RSPH14: variants seen among roughly 807,000 people sequenced by gnomAD.
RSPH14 encodes the protein rhabdoid tumor deletion region gene 1.
Under a neutral mutation model 26.7 loss-of-function variants are expected in RSPH14, and 20 were observed. The ratio of observed to expected loss-of-function variants is 0.75; its 90% confidence interval spans 0.53 to 1.09. The LOEUF (loss-of-function observed/expected upper bound fraction) is 1.09, where lower values mean the gene tolerates loss of function less well. Among genes scored for constraint, RSPH14 ranks in the 50% least tolerant of loss-of-function variants. The probability of loss-of-function intolerance (pLI) is 0.00; values close to 1 mark genes in which losing one functional copy is unlikely to be tolerated. For synonymous variants in RSPH14, 177 were observed against 189.3 expected (o/e 0.93, Z 0.53); for missense variants, 449 against 457.2 (o/e 0.98, Z 0.16).
chr22:23,109,900 C>G (rs748447308), intron 4 of RSPH14, among the ~76,000 whole-genome samples: 21 of 152,202 alleles, frequency 1.4e-4, no homozygotes, highest in Admixed American at 3.3e-4. Flanking sequence ...TGAGGCTGGC[C>G]GTCAGCACCA....
At chr22:23,164,566 T>C in the RSPH14 span, among the ~76,000 whole-genome samples, 1 of 152,162 alleles carries the variant, frequency 6.6e-6, no homozygotes, top group African/African-American at 2.4e-5. Context: ...TGAAGACATT[T>C]CCTTCTTTCC....
chr22:23,146,101 G>T, upstream of RSPH14: 1 of 832,534 alleles, frequency 1.2e-6, no homozygotes, highest in South Asian at 5.5e-5. Context: ...TGACTCCCAG[G>T]CAGGGTGGGG....
At chr22:23,120,738 C>T (rs1387649619) in intron 4 of RSPH14, among the ~76,000 whole-genome samples, 1 of 152,054 alleles carries the variant, frequency 6.6e-6, no homozygotes, top group Non-Finnish European at 1.5e-5. Flanking sequence ...AGGAAGCCCC[C>T]TACCCCAAAA....
chr22:23,072,708 G>C (rs908953499), intron 4 of RSPH14, among the ~76,000 whole-genome samples: 2 of 152,224 alleles, frequency 1.3e-5, no homozygotes, highest in Non-Finnish European at 1.5e-5. Flanking sequence ...TGTGCCTGTC[G>C]CCTGGACTGT....
intron 3 of RSPH14, among the ~76,000 whole-genome samples, chr22:23,135,202 G>A (rs188450250): frequency 1.3e-5 from 2 of 151,888 alleles, no homozygotes; most frequent in African/African-American, 2.4e-5. Flanking sequence ...GGCCAGGCGC[G>A]GTGGCTCACG....
chr22:23,129,837 T>A (rs2146423403), intron 4 of RSPH14, among the ~76,000 whole-genome samples: 1 of 150,050 alleles, frequency 6.7e-6, no homozygotes, highest in East Asian at 2.0e-4. Context: ...GGAGAATCAC[T>A]TGAACCTGGG....
At chr22:23,072,397 A>G (rs1047454659) in intron 4 of RSPH14, among the ~76,000 whole-genome samples, 1 of 152,180 alleles carries the variant, frequency 6.6e-6, no homozygotes, top group Non-Finnish European at 1.5e-5. Context: ...CATCTGGTTT[A>G]AAAGTCTTCC....
chr22:23,112,127 T>C (rs1165695903), intron 4 of RSPH14, among the ~76,000 whole-genome samples: 3 of 152,052 alleles, frequency 2.0e-5, no homozygotes, highest in Admixed American at 1.3e-4. Flanking sequence ...CCTCCTGTCT[T>C]CACCCCGCAG....
At chr22:23,153,215 G>T in the RSPH14 span, 1 of 1,076,206 alleles carries the variant, frequency 9.3e-7, no homozygotes, top group Admixed American at 1.8e-5. Context: ...CCTTCACTGT[G>T]TCCATGTCAA....
At chr22:23,091,959 C>G (rs58292434) in intron 4 of RSPH14, among the ~76,000 whole-genome samples, 1 of 152,124 alleles carries the variant, frequency 6.6e-6, no homozygotes, top group Non-Finnish European at 1.5e-5. Flanking sequence ...CATCCCCACA[C>G]ACCGCAGGGC....
rs181526057 is a variant in RSPH14 at position 23,080,315 on chromosome 22, C to T, written c.422-16182G>A. Among the ~76,000 whole-genome samples the T allele has an allele frequency of 1.8e-3, 269 of 152,248 alleles. 1 individual carries two copies. The highest frequency in any genetic ancestry group is 4.8e-3 in the African/African-American group (201 of 41,532). On this transcript the variant is annotated intron_variant, in intron 4 of 6. Transcript: ENST00000216036. ...AGACAGGACAGGTGGCTGAGGGTGT[C>T]CAGAGCCAGGACAGCACAGGGTTAC...
At chr22:23,106,004 GCTC>G (rs2069460819) in intron 4 of RSPH14, among the ~76,000 whole-genome samples, 1 of 152,194 alleles carries the variant, frequency 6.6e-6, no homozygotes, top group Non-Finnish European at 1.5e-5. Context: ...GGACACAGGA[GCTC>G]CAGGCCCTTT....
At chr22:23,158,937 C>A in the RSPH14 span, 1 of 1,614,226 alleles carries the variant, frequency 6.2e-7, no homozygotes, top group African/African-American at 1.3e-5. Context: ...ACGAGGCAGG[C>A]TCCTGCTTCA....
At chr22:23,123,773 T>G in intron 4 of RSPH14, 1 of 303,030 alleles carries the variant, frequency 3.3e-6, no homozygotes. Context: ...CCACTCCACT[T>G]GGGGGTCTGC....
upstream of RSPH14, chr22:23,145,947 C>A (rs760982024): frequency 3.0e-6 from 3 of 984,160 alleles, no homozygotes; most frequent in East Asian, 1.1e-4. Flanking sequence ...CTAGAGCCTT[C>A]GTCCTTTGCA....
intron 4 of RSPH14, chr22:23,131,072 A>C (rs74879436): frequency 6.5e-6 from 1 of 153,214 alleles, no homozygotes; most frequent in Non-Finnish European, 1.5e-5. Flanking sequence ...AACAACCAAC[A>C]AGCCTGCCAG....
chr22:23,069,734 G>T (rs972385019), intron 4 of RSPH14, among the ~76,000 whole-genome samples: 1 of 152,060 alleles, frequency 6.6e-6, no homozygotes, highest in Non-Finnish European at 1.5e-5. Flanking sequence ...CGGCAGAGAT[G>T]ACTAATGCTC....
chr22:23,168,898 T>A, the RSPH14 span, among the ~76,000 whole-genome samples: 1 of 152,040 alleles, frequency 6.6e-6, no homozygotes, highest in Middle Eastern at 3.2e-3. Flanking sequence ...CCCTGACAGG[T>A]GGTTGGCACC....
the RSPH14 span, among the ~76,000 whole-genome samples, chr22:23,160,325 G>A: frequency 6.8e-6 from 1 of 147,648 alleles, no homozygotes; most frequent in Non-Finnish European, 1.5e-5. Context: ...AAGCAGGACT[G>A]CCCTATGCGG....
Sources: gnomAD v4.1 joint callset for allele counts (sites outside exome capture counted in the v4.1 genomes callset) on GRCh38, gnomAD v4.1.1 for gene constraint, MANE v1.5 for transcripts, NCBI Gene and HGNC (gene_info 2026-07-23, HGNC 2026-07-21) for gene names.